TRPM3: variants seen among roughly 807,000 people sequenced by gnomAD.
TRPM3 encodes transient receptor potential cation channel subfamily M member 3.
TRPM3 carries 77 observed loss-of-function variants against 181.2 expected under a neutral mutation model. The observed-to-expected ratio is 0.42, with a 90% CI of 0.35 to 0.51. The LOEUF is 0.51. Ranked by LOEUF, TRPM3 falls within the 20% of genes least tolerant of loss-of-function variation. The probability of loss-of-function intolerance (pLI) is 0.01; values close to 1 mark genes in which losing one functional copy is unlikely to be tolerated. For missense variants in TRPM3, 1,759 were observed against 2,196.7 expected (o/e 0.80, Z 3.98); for synonymous variants, 745 against 796.4 (o/e 0.94, Z 1.09).
chr9:71,108,921 G>A (rs552034665), intron 1 of TRPM3, among the ~76,000 whole-genome samples: 1 of 152,258 alleles, frequency 6.6e-6, no homozygotes, highest in South Asian at 2.1e-4. Flanking sequence ...TTCTATGAGG[G>A]TATTTTTGGA....
At chr9:71,436,035 G>A (rs1227233355) in intron 1 of TRPM3, among the ~76,000 whole-genome samples, 1 of 152,160 alleles carries the variant, frequency 6.6e-6, no homozygotes, top group Non-Finnish European at 1.5e-5. Context: ...CACATGTTGT[G>A]GGAGGGATCC....
chr9:70,574,322 G>T (rs2053344691), intron 22 of TRPM3, among the ~76,000 whole-genome samples: 1 of 152,082 alleles, frequency 6.6e-6, no homozygotes, highest in African/African-American at 2.4e-5. Context: ...CACCCTGCTG[G>T]TCTTCTCAGT....
chr9:71,420,734 A>G (rs1164803975), intron 1 of TRPM3, among the ~76,000 whole-genome samples: 2 of 59,802 alleles, frequency 3.3e-5, no homozygotes, highest in African/African-American at 1.3e-4. Context: ...AGAGAGAGAG[A>G]GAAAGAGAGA....
chr9:70,581,824 C>T (rs2055788633), intron 22 of TRPM3, among the ~76,000 whole-genome samples: 1 of 151,950 alleles, frequency 6.6e-6, no homozygotes, highest in African/African-American at 2.4e-5. Context: ...GCTCACACAG[C>T]TCTCTCTTCC....
At chr9:71,138,373 C>A (rs1022838513) in intron 1 of TRPM3, among the ~76,000 whole-genome samples, 1 of 152,130 alleles carries the variant, frequency 6.6e-6, no homozygotes, top group South Asian at 2.1e-4. Context: ...TGATCCCGTG[C>A]ATACGCTATG....
At chr9:71,059,545 T>C (rs985100555) in intron 1 of TRPM3, among the ~76,000 whole-genome samples, 2 of 152,050 alleles carry the variant, frequency 1.3e-5, no homozygotes, top group Admixed American at 6.6e-5. Context: ...TATTTAATCA[T>C]ATTAATTTTG....
intron 1 of TRPM3, among the ~76,000 whole-genome samples, chr9:71,341,669 T>TA (rs55885675): frequency 0.031 from 4,592 of 150,360 alleles, 208 homozygotes; most frequent in African/African-American, 0.11. Flanking sequence ...AAGAAACTAG[T>TA]AAAAAAAAAA....
intron 1 of TRPM3, among the ~76,000 whole-genome samples, chr9:71,296,861 T>A (rs1232806721): frequency 6.6e-6 from 1 of 152,070 alleles, no homozygotes; most frequent in East Asian, 1.9e-4. Flanking sequence ...ATTGAGCTCA[T>A]AAGTTTTGGG....
rs372383718 is a variant in TRPM3, at chr9:70,651,114, A to G, written c.1346-10454T>C. Among the ~76,000 whole-genome samples the G allele has an allele frequency of 1.4e-3, 206 of 152,298 alleles. 3 individuals are homozygous for G. In the South Asian group the frequency reaches 0.02, roughly 14 times the overall value. On this transcript the variant is annotated intron_variant, in intron 9 of 25. Transcript: ENST00000677713. ...AGAAAAGGTGTGTACAAAGAGACCA[A>G]CGTTCGGGTTATATAGTTCTGTAAA...
intron 1 of TRPM3, among the ~76,000 whole-genome samples, chr9:71,342,480 A>G (rs2091025979): frequency 1.3e-5 from 2 of 151,808 alleles, no homozygotes; most frequent in South Asian, 2.1e-4. Context: ...AGCTATAAAA[A>G]GTAATTAGTA....
intron 1 of TRPM3, among the ~76,000 whole-genome samples, chr9:71,345,966 T>C (rs533826735): frequency 1.3e-5 from 2 of 152,288 alleles, no homozygotes; most frequent in Non-Finnish European, 2.9e-5. Context: ...TAGTATGCTA[T>C]GGGAAATTGT....
chr9:71,102,691 G>A (rs2068623553), intron 1 of TRPM3, among the ~76,000 whole-genome samples: 1 of 151,758 alleles, frequency 6.6e-6, no homozygotes, highest in Non-Finnish European at 1.5e-5. Context: ...TTTTCCTCAA[G>A]CAAAATTAGT....
At chr9:70,900,985 C>T (rs1195252558) in intron 1 of TRPM3, among the ~76,000 whole-genome samples, 2 of 152,206 alleles carry the variant, frequency 1.3e-5, no homozygotes, top group Admixed American at 1.3e-4. Flanking sequence ...TAGAAGGCAA[C>T]TTTTTCTCTC....
At chr9:70,963,695 C>A (rs1009265700) in intron 1 of TRPM3, among the ~76,000 whole-genome samples, 5 of 152,070 alleles carry the variant, frequency 3.3e-5, no homozygotes, top group Admixed American at 6.5e-5. Flanking sequence ...CGCTGGAAAC[C>A]TCCAGAAGAG....
At chr9:70,812,045 A>G (rs1212436093) in intron 6 of TRPM3, among the ~76,000 whole-genome samples, 2 of 152,178 alleles carry the variant, frequency 1.3e-5, no homozygotes, top group African/African-American at 4.8e-5. Flanking sequence ...TAATGGTAAT[A>G]TCATATTTCT....
intron 1 of TRPM3, among the ~76,000 whole-genome samples, chr9:70,998,423 G>GC (rs2097566566): frequency 6.6e-6 from 1 of 151,836 alleles, no homozygotes; most frequent in African/African-American, 2.4e-5. Flanking sequence ...TGTATGTCCT[G>GC]CCCCCACACA....
At chr9:71,018,051 T>A (rs1468087396) in intron 1 of TRPM3, among the ~76,000 whole-genome samples, 1 of 151,894 alleles carries the variant, frequency 6.6e-6, no homozygotes, top group African/African-American at 2.4e-5. Flanking sequence ...CTGTTTAAGA[T>A]CTGAAAAATA....
rs145651070 is a variant in TRPM3, at chr9:71,073,688, C to T, written c.177+47490G>A. On this transcript the variant is annotated intron_variant, in intron 1 of 25. Transcript: ENST00000677713. Reference sequence around the variant, plus strand: ...TTAGAAAATGTTATTTCTTGCATTGCGTAATATTAAAGCACAGAGCTTTGC... The same window carrying T: ...TTAGAAAATGTTATTTCTTGCATTGTGTAATATTAAAGCACAGAGCTTTGC... Among the ~76,000 whole-genome samples the T allele has an allele frequency of 1.3e-3, 198 of 151,836 alleles. No individual in the cohort carries two copies. In the East Asian group the frequency reaches 0.02, roughly 16 times the overall value.
chr9:71,279,389 G>C (rs1482662923), intron 1 of TRPM3, among the ~76,000 whole-genome samples: 1 of 152,164 alleles, frequency 6.6e-6, no homozygotes, highest in African/African-American at 2.4e-5. Flanking sequence ...AGAGGGTGTA[G>C]TTAAATATTT....
Sources: allele counts gnomAD v4.1 joint callset (sites outside exome capture counted in the v4.1 genomes callset), GRCh38; gene constraint gnomAD v4.1.1; transcripts MANE v1.5; gene names NCBI Gene and HGNC (gene_info 2026-07-23, HGNC 2026-07-21).